The following FOXP2 variants were observed in gnomAD, a reference collection of about 807,000 sequenced individuals.
FOXP2 encodes forkhead box protein P2.
FOXP2 carries 12 observed loss-of-function variants against 115.8 expected under a neutral mutation model. That is an observed-to-expected ratio of 0.10 (90% CI 0.07 to 0.17). The LOEUF (loss-of-function observed/expected upper bound fraction) is 0.17. Ranked by LOEUF, FOXP2 falls within the 10% of genes least tolerant of loss-of-function variation. FOXP2 has a pLI of 1.00. For synonymous variants in FOXP2, 328 were observed against 297.7 expected (o/e 1.10, Z -1.05); for missense variants, 629 against 843.5 (o/e 0.75, Z 3.15).
chr7:114,332,410 G>A (rs1313452009), intron 2 of FOXP2, among the ~76,000 whole-genome samples: 2 of 152,076 alleles, frequency 1.3e-5, no homozygotes, highest in African/African-American at 4.8e-5. Flanking sequence ...TGCATGAGGA[G>A]GGTTCTCTCT....
intron 1 of FOXP2, among the ~76,000 whole-genome samples, chr7:114,129,525 T>C (rs1309836594): frequency 6.6e-6 from 1 of 152,210 alleles, no homozygotes; most frequent in Admixed American, 6.6e-5. Flanking sequence ...AATGTGTTTT[T>C]ATAAAATAAA....
chr7:114,087,051 C>T (rs1799435004), upstream of FOXP2, among the ~76,000 whole-genome samples: 1 of 152,116 alleles, frequency 6.6e-6, no homozygotes, highest in Admixed American at 6.5e-5. Flanking sequence ...CCTTCCTCCC[C>T]GCACCCCCAC....
Position 114,347,226 on chromosome 7 carries a change from T to A in FOXP2, c.-11+59117T>A, listed in dbSNP as rs1527146. On this transcript the variant is annotated intron_variant, in intron 2 of 17. Coordinates refer to the FOXP2 transcript ENST00000634411. ...TTATATATAATTGAAATTATACTTT[T>A]GTTTTCTGGTGTGTTTCAGGGGCTT... Among the ~76,000 whole-genome samples, 3 of 151,702 alleles carry A rather than the reference T, an allele frequency of 2.0e-5. No homozygotes were observed. The South Asian group carries it at 6.2e-4, about 31-fold the overall frequency.
At chr7:114,138,364 C>T (rs1474564024) in intron 1 of FOXP2, among the ~76,000 whole-genome samples, 1 of 151,516 alleles carries the variant, frequency 6.6e-6, no homozygotes, top group African/African-American at 2.4e-5. Context: ...CTGAGGTCCT[C>T]CTCCCCACAA....
rs534424577 is a variant in FOXP2 at position 114,497,969 on chromosome 7, G to A, written c.169-36648G>A. ...CAATACAAGCCTACAGAAACTGAAT[G>A]ACTACAGGTTGACTTGAATTTTTAT... On this transcript the variant is annotated intron_variant, in intron 2 of 16. Coordinates refer to ENST00000350908, the MANE Select transcript of FOXP2 (RefSeq NM_014491.4). Among the ~76,000 whole-genome samples the A allele has an allele frequency of 4.6e-5, 7 of 152,204 alleles. No homozygotes were observed. The South Asian group carries it at 1.4e-3, about 32-fold the overall frequency.
chr7:114,377,365 A>G (rs1285719571), intron 2 of FOXP2, among the ~76,000 whole-genome samples: 2 of 152,210 alleles, frequency 1.3e-5, no homozygotes, highest in African/African-American at 2.4e-5. Flanking sequence ...ATTAGCAGAC[A>G]TTGCCAACTC....
intron 1 of FOXP2, among the ~76,000 whole-genome samples, chr7:114,176,669 T>C (rs1454282938): frequency 1.3e-4 from 1 of 7,984 alleles, no homozygotes; most frequent in Non-Finnish European, 9.1e-4. Context: ...CTTAGGTTGT[T>C]TTTTTTTTTT....
chr7:114,418,839 A>T (rs1293156720), intron 1 of FOXP2, among the ~76,000 whole-genome samples: 2 of 151,970 alleles, frequency 1.3e-5, no homozygotes. Flanking sequence ...AGGTGCCTCC[A>T]ATCTGCCTTC....
At chr7:114,540,617 G>T (rs1799609500) in intron 3 of FOXP2, among the ~76,000 whole-genome samples, 1 of 151,960 alleles carries the variant, frequency 6.6e-6, no homozygotes, top group East Asian at 1.9e-4. Context: ...AAAACAGAAA[G>T]AACAATAAGC....
At chr7:114,148,667 G>T (rs1020525114) in intron 1 of FOXP2, among the ~76,000 whole-genome samples, 1 of 152,162 alleles carries the variant, frequency 6.6e-6, no homozygotes, top group Non-Finnish European at 1.5e-5. Flanking sequence ...CAAGCAAACT[G>T]CTTTCCTGTA....
chr7:114,381,944 C>T (rs1236882696), intron 2 of FOXP2, among the ~76,000 whole-genome samples: 1 of 152,086 alleles, frequency 6.6e-6, no homozygotes, highest in South Asian at 2.1e-4. Flanking sequence ...TTCTGTTGCC[C>T]AGACTTCAGG....
chr7:114,648,109 C>T (rs115978361), intron 8 of FOXP2, among the ~76,000 whole-genome samples: 2,480 of 152,100 alleles, frequency 0.016, 55 homozygotes, highest in African/African-American at 0.056. Context: ...AGAAATTTGT[C>T]TTCTTTTTCA....
chr7:114,591,223 C>T (rs2129307989), intron 3 of FOXP2, among the ~76,000 whole-genome samples: 1 of 152,152 alleles, frequency 6.6e-6, no homozygotes, highest in Non-Finnish European at 1.5e-5. Flanking sequence ...AACACATGCA[C>T]CCAAATTATC....
chr7:114,605,608 G>A (rs937431804), intron 3 of FOXP2, among the ~76,000 whole-genome samples: 1 of 152,172 alleles, frequency 6.6e-6, no homozygotes. Context: ...AGAGGTGGGC[G>A]CTGTGCTGAG....
chr7:114,274,171 T>A (rs980868554), intron 1 of FOXP2, among the ~76,000 whole-genome samples: 2 of 152,104 alleles, frequency 1.3e-5, no homozygotes, highest in Non-Finnish European at 2.9e-5. Flanking sequence ...CTACACCACT[T>A]CATGGGTAGT....
intron 2 of FOXP2, among the ~76,000 whole-genome samples, chr7:114,317,314 C>G (rs373973784): frequency 7.9e-5 from 12 of 152,010 alleles, no homozygotes; most frequent in Non-Finnish European, 2.9e-5. Flanking sequence ...AGCAATAGAT[C>G]GAAACCAATA....
At chr7:114,094,193 G>A (rs2129139592) in intron 1 of FOXP2, among the ~76,000 whole-genome samples, 1 of 152,200 alleles carries the variant, frequency 6.6e-6, no homozygotes, top group South Asian at 2.1e-4. Flanking sequence ...AAACAGACCA[G>A]ATTAAAGATT....
Position 114,453,402 on chromosome 7 carries a change from C to T in FOXP2, c.168+26723C>T, listed in dbSNP as rs76893842. ...AATGTGGATACTATCTCTTCTCTGA[C>T]ACATAATCTGGTACATTGTAGGTGT... is the stretch of plus-strand genomic sequence containing the variant. On this transcript the variant is annotated intron_variant, in intron 2 of 16. Coordinates refer to ENST00000350908, the MANE Select transcript of FOXP2 (RefSeq NM_014491.4). 7.3e-3 allele frequency among the ~76,000 whole-genome samples: 1,117 copies of T among 152,148 alleles called. 11 individuals are homozygous for T. The highest frequency in any genetic ancestry group is 0.025 in the African/African-American group (1,052 of 41,510).
At chr7:114,112,012 A>T (rs1791279047) in intron 1 of FOXP2, among the ~76,000 whole-genome samples, 1 of 152,098 alleles carries the variant, frequency 6.6e-6, no homozygotes. Flanking sequence ...TTTGTGGCAG[A>T]GTCCTAGGAA....
Sources: allele counts gnomAD v4.1 joint callset (sites outside exome capture counted in the v4.1 genomes callset), GRCh38; gene constraint gnomAD v4.1.1; transcripts MANE v1.5; gene names NCBI Gene and HGNC (gene_info 2026-07-23, HGNC 2026-07-21).